The following PRRG2 variants were observed in gnomAD, a reference collection of about 807,000 sequenced individuals.
PRRG2 encodes transmembrane gamma-carboxyglutamic acid protein 2.
A neutral mutation model predicts 27.1 loss-of-function variants in PRRG2; 23 were observed. The observed-to-expected ratio is 0.85, with a 90% confidence interval of 0.61 to 1.20. The LOEUF is 1.20. Among genes scored for constraint, PRRG2 ranks in the 50% most tolerant of loss-of-function variants. PRRG2 has a pLI of 0.00. For synonymous variants in PRRG2, 104 were observed against 103.4 expected, an observed-to-expected ratio of 1.01 and a Z score of -0.03; for missense variants, 276 against 254.8, an observed-to-expected ratio of 1.08 and a Z score of -0.57.
intron 1 of PRRG2, among the ~76,000 whole-genome samples, chr19:49,581,943 A>G (rs1303393756): frequency 6.6e-6 from 1 of 151,972 alleles, no homozygotes; most frequent in Non-Finnish European, 1.5e-5. Flanking sequence ...TACTGGGGAT[A>G]ATAATAGGAC....
intron 4 of PRRG2, among the ~76,000 whole-genome samples, chr19:49,585,361 T>C (rs936772390): frequency 3.9e-5 from 6 of 152,176 alleles, no homozygotes; most frequent in Non-Finnish European, 7.4e-5. Context: ...CATTGGAGCC[T>C]GGTTGCTAGG....
At chr19:49,589,426 C>CTT (rs398059803) in intron 5 of PRRG2, among the ~76,000 whole-genome samples, 3 of 132,352 alleles carry the variant, frequency 2.3e-5, no homozygotes, top group Non-Finnish European at 3.1e-5. Context: ...ACGCCTGGCC[C>CTT]TTTTTTTTTT....
Position 49,588,648 on chromosome 19 carries a change from C to T in PRRG2, c.437+16C>T, listed in dbSNP as rs564528879. On this transcript the variant is annotated intron_variant, in intron 5 of 6. Transcript: ENST00000246794. ...GTCCCCAAGAGTAAGGGGGCTTCAG[C>T]GAGGAGGGGGTGGTGGTGGAGAGCA... The T allele has an allele frequency of 1.5e-5, 22 of 1,509,160 alleles. No homozygotes were observed. In the African/African-American group the frequency reaches 2.1e-4, roughly 15 times the overall value. The allele number at this position is 1,509,160 out of a possible 1,614,324, so 93.5% of individuals were successfully genotyped here.
intron 4 of PRRG2, 80 bp downstream of exon 4, chr19:49,584,032 C>A: frequency 1.4e-6 from 2 of 1,403,050 alleles, no homozygotes; most frequent in Non-Finnish European, 9.7e-7. Flanking sequence ...ACGTCCTCCA[C>A]CCCAAATTAG....
Position 49,588,587 on chromosome 19 carries a change from A to G in PRRG2, c.392A>G (p.Tyr131Cys). 1 of 1,552,962 alleles carries G rather than the reference A, an allele frequency of 6.4e-7. No individual in the cohort carries two copies. Among genetic ancestry groups the G allele is most frequent in the Non-Finnish European group, 8.7e-7 (1 of 1,149,128 alleles). ...CTGGCCGGCCTGGGAGCCTTTTGGT[A>G]TCTGCGCTGGCGACAGCACCGAGGC... ...IVLAGLGAFW[Y>C]LRWRQHRGQQ... Residue 131 changes from tyrosine (Y) to cysteine (C), a missense_variant, in exon 5 of 7, where the codon TAT becomes TGT. Tyr to Cys is a radical substitution (Grantham distance 194). Transcript: ENST00000246794.
chr19:49,589,853 G>A (rs1241561111), intron 5 of PRRG2, 47 bp from the exon 6 acceptor site: 1 of 1,598,058 alleles, frequency 6.3e-7, no homozygotes, highest in Non-Finnish European at 8.6e-7. Context: ...CCCTAGTCTA[G>A]GTATCCTGTA....
At chr19:49,582,644 GA>G in intron 1 of PRRG2, among the ~76,000 whole-genome samples, 1 of 152,040 alleles carries the variant, frequency 6.6e-6, no homozygotes, top group South Asian at 2.1e-4. Flanking sequence ...GAGGCGGGCA[GA>G]TCACGAGGTC....
At chr19:49,582,939 G>A (rs1270239484) in intron 1 of PRRG2, among the ~76,000 whole-genome samples, 4 of 151,864 alleles carry the variant, frequency 2.6e-5, no homozygotes, top group African/African-American at 9.7e-5. Flanking sequence ...GCTGAGGCAC[G>A]AGAATCGCTT....
At chr19:49,582,415 C>T (rs1484940049) in intron 1 of PRRG2, among the ~76,000 whole-genome samples, 1 of 151,712 alleles carries the variant, frequency 6.6e-6, no homozygotes, top group East Asian at 2.0e-4. Flanking sequence ...GTTGGGATTA[C>T]AGGCGCCCAC....
chr19:49,589,896 C>G lies in PRRG2; in HGVS notation c.438-4C>G, dbSNP rs1350046193. 6.2e-7 allele frequency: 1 copy of G among 1,613,362 alleles called. No individual in the cohort carries two copies. Among genetic ancestry groups the G allele is most frequent in the African/African-American group, 1.3e-5 (1 of 75,012 alleles). The stretch of plus-strand genomic sequence containing the variant: ...TCTGCTAACTGTACCTTTGCTGTCC[C>G]CAGGGCCGGGCTCATTAGCCCTCTG... On this transcript the variant is annotated splice_region_variant and splice_polypyrimidine_tract_variant and intron_variant, in intron 5 of 6. Coordinates refer to ENST00000246794, the MANE Select transcript of PRRG2 (RefSeq NM_000951.3).
chr19:49,590,206 G>T (rs2080707959), intron 6 of PRRG2, 154 bp downstream of exon 6: 11 of 1,421,978 alleles, frequency 7.7e-6, no homozygotes, highest in Middle Eastern at 1.8e-4. Flanking sequence ...ATGGTCTAGG[G>T]GCGTGGCCCA....
chr19:49,590,304 G>A (rs910309997), intron 6 of PRRG2, 67 bp from the exon 7 acceptor site: 3 of 1,611,400 alleles, frequency 1.9e-6, no homozygotes, highest in African/African-American at 2.7e-5. Flanking sequence ...GGTCGGAGTG[G>A]TCCTGGTTGA....
Position 49,583,718 on chromosome 19 carries a change from G to A in PRRG2, c.261+1G>A. The A allele has an allele frequency of 6.2e-7, 1 of 1,613,802 alleles. No homozygotes were observed. The highest frequency in any genetic ancestry group is 8.5e-7 in the Non-Finnish European group (1 of 1,179,810). ...GTATTTTGAGGACAACACTCTCACG[G>A]TGAGGGCCTCGAGACCCTGGAGTTT... On this transcript the variant is annotated splice_donor_variant, in intron 3 of 6. Transcript: ENST00000246794. LOFTEE classifies it high-confidence loss of function.
chr19:49,583,676 T>C lies in PRRG2; in HGVS notation c.220T>C (p.Trp74Arg). 3 of 1,614,130 alleles carry C rather than the reference T, an allele frequency of 1.9e-6. No homozygotes were observed. Among genetic ancestry groups the C allele is most frequent in the Non-Finnish European group, 2.5e-6 (3 of 1,180,000 alleles). The change falls in exon 3 of 7, where the codon TGG becomes CGG. Residue 74 changes from tryptophan to arginine, a missense_variant. Coordinates refer to ENST00000246794, the MANE Select transcript of PRRG2 (RefSeq NM_000951.3). ...ERECLEERCSWEEAREYFEDN... is the reference protein window; with the variant it reads ...ERECLEERCSREEAREYFEDN... ...GGAGTGTCTGGAAGAGAGGTGTTCC[T>C]GGGAAGAGGCCAGGGAGTATTTTGA...
In PRRG2 at chr19:49,590,440, G is replaced by A. The variant is rs375927580; in HGVS notation, c.*51G>A. 5.8e-5 allele frequency: 93 copies of A among 1,612,620 alleles called. No homozygotes were observed. The African/African-American group carries it at 1.1e-3, about 19-fold the overall frequency. ...CCGAACCGTGCCCCTGATTCATACC[G>A]GATTCCGGAAGCCGCTAGGCCTCAT... On this transcript the variant is annotated 3_prime_UTR_variant, in exon 7 of 7. Coordinates refer to ENST00000246794, the MANE Select transcript of PRRG2 (RefSeq NM_000951.3).
intron 1 of PRRG2, among the ~76,000 whole-genome samples, chr19:49,582,867 C>CAA (rs530652233): frequency 7.1e-6 from 1 of 140,250 alleles, no homozygotes; most frequent in African/African-American, 2.6e-5. Flanking sequence ...GACTCTGTCT[C>CAA]AAAAAAAAAA....
At chr19:49,589,446 T>TAA (rs1489312333) in intron 5 of PRRG2, among the ~76,000 whole-genome samples, 31 of 116,906 alleles carry the variant, frequency 2.7e-4, no homozygotes, top group Middle Eastern at 4.5e-3. Flanking sequence ...TTTTTTTTTT[T>TAA]AAAAAAAGAC....
At chr19:49,590,314 A>AG (rs2080709659) in intron 6 of PRRG2, 57 bp from the exon 7 acceptor site, 11 of 1,611,330 alleles carry the variant, frequency 6.8e-6, no homozygotes, top group Middle Eastern at 1.7e-4. Context: ...GTCCTGGTTG[A>AG]AGGGGGGAGA....
intron 5 of PRRG2, 64 bp downstream of exon 5, chr19:49,588,696 T>C (rs2122255446): frequency 6.8e-7 from 1 of 1,473,110 alleles, no homozygotes; most frequent in East Asian, 2.5e-5. Context: ...AGCATTGACC[T>C]AAAGGGATGT....
Sources: allele counts gnomAD v4.1 joint callset (sites outside exome capture counted in the v4.1 genomes callset), GRCh38; gene constraint gnomAD v4.1.1; transcripts MANE v1.5; gene names NCBI Gene and HGNC (gene_info 2026-07-23, HGNC 2026-07-21).